Variants in DARS1 observed in about 807,000 individuals in gnomAD.
The protein encoded by DARS1 is aspartate--tRNA ligase, cytoplasmic.
Under a neutral mutation model 68.8 loss-of-function variants are expected in DARS1, and 51 were observed. The ratio of observed to expected loss-of-function variants is 0.74; its 90% CI spans 0.59 to 0.94. The LOEUF is 0.94. DARS1 is among the 40% of genes least tolerant of loss of function. The pLI is 0.00. For synonymous variants in DARS1, 203 were observed against 190.4 expected, an observed-to-expected ratio of 1.07 and a Z score of -0.55; for missense variants, 607 against 597.3, an observed-to-expected ratio of 1.02 and a Z score of -0.17.
At chr2:135,938,336 C>A (rs1681516534) in intron 5 of DARS1, among the ~76,000 whole-genome samples, 1 of 152,300 alleles carries the variant, frequency 6.6e-6, no homozygotes, top group African/African-American at 2.4e-5. Flanking sequence ...TTTTCAGCTC[C>A]ATCAGGTCAT....
intron 3 of DARS1, among the ~76,000 whole-genome samples, chr2:135,976,486 T>G (rs192922570): frequency 9.1e-4 from 139 of 152,278 alleles, no homozygotes; most frequent in Non-Finnish European, 1.7e-3. Context: ...CACTCATAAA[T>G]TCTCCCTATC....
intron 5 of DARS1, among the ~76,000 whole-genome samples, chr2:135,938,054 A>G (rs908832687): frequency 6.6e-6 from 1 of 152,118 alleles, no homozygotes; most frequent in Non-Finnish European, 1.5e-5. Context: ...GGTTGGGGAA[A>G]TTCTCCTGGA....
intron 7 of DARS1, 110 bp from the exon 8 acceptor site, chr2:135,924,608 A>C (rs117587018): frequency 7.0e-7 from 1 of 1,430,304 alleles, no homozygotes; most frequent in Non-Finnish European, 9.2e-7. Flanking sequence ...CAACATTTTT[A>C]AATTCTAATA....
intron 3 of DARS1, among the ~76,000 whole-genome samples, chr2:135,974,201 G>A (rs1332538911): frequency 6.6e-6 from 1 of 152,164 alleles, no homozygotes; most frequent in Non-Finnish European, 1.5e-5. Context: ...ACTTTAATTG[G>A]GAATGTGTGT....
intron 6 of DARS1, 119 bp downstream of exon 6, chr2:135,933,791 G>GAGAATTGCTGAT: frequency 3.0e-6 from 4 of 1,335,918 alleles, no homozygotes; most frequent in Non-Finnish European, 3.9e-6. Flanking sequence ...TTAAGAGTAA[G>GAGAATTGCTGAT]TTTAAATAAC....
chr2:135,925,996 T>TTC (rs1330031748), intron 7 of DARS1, among the ~76,000 whole-genome samples: 3 of 152,220 alleles, frequency 2.0e-5, no homozygotes, highest in Non-Finnish European at 4.4e-5. Flanking sequence ...GTTCAAGTGA[T>TTC]TCTCCTGCCT....
At chr2:135,914,601 G>A (rs997945808) in intron 11 of DARS1, 90 bp from the exon 12 acceptor site, 19 of 864,538 alleles carry the variant, frequency 2.2e-5, no homozygotes, top group Non-Finnish European at 4.0e-6. Flanking sequence ...GTTTCTCAAG[G>A]GATTACAAAA....
chr2:135,933,993 G>T lies in DARS1; in HGVS notation c.424-3C>A. The stretch of plus-strand genomic sequence containing the variant: ...TCAGCCAAACTGATCACATAAATCT[G>T]TAAGTGAGAGATTACCAAAAATAGT... On this transcript the variant is annotated splice_polypyrimidine_tract_variant and splice_region_variant and intron_variant, in intron 5 of 15. Coordinates refer to ENST00000264161, the MANE Select transcript of DARS1 (RefSeq NM_001349.4). 6.2e-7 allele frequency: 1 copy of T among 1,610,026 alleles called. No homozygotes were observed. The highest frequency in any genetic ancestry group is 8.5e-7 in the Non-Finnish European group (1 of 1,177,266).
intron 4 of DARS1, among the ~76,000 whole-genome samples, chr2:135,944,505 T>C (rs956058460): frequency 1.3e-5 from 2 of 152,080 alleles, no homozygotes; most frequent in African/African-American, 4.8e-5. Context: ...GAAGAGTAGT[T>C]AAGAAAGAAA....
intron 5 of DARS1, among the ~76,000 whole-genome samples, chr2:135,936,325 CAATAAG>C (rs1487591801): frequency 6.6e-6 from 1 of 152,022 alleles, no homozygotes; most frequent in Non-Finnish European, 1.5e-5. Flanking sequence ...CACATCTAGA[CAATAAG>C]AATATCTTAA....
intron 4 of DARS1, among the ~76,000 whole-genome samples, chr2:135,959,265 A>G (rs531636262): frequency 1.3e-5 from 2 of 151,812 alleles, no homozygotes; most frequent in East Asian, 1.9e-4. Flanking sequence ...GTGGTGGCAT[A>G]TGCCTGTAAT....
In DARS1 at chr2:135,906,193, TC is replaced by T. The variant is rs1187210269; in HGVS notation, c.*1122del. ...AGATGTTCGTGGTCCAGGGGTAACT[TC>T]CTAACTTTTTGACCCTCATATTTTT... On this transcript the variant is annotated 3_prime_UTR_variant, in exon 16 of 16. Transcript: ENST00000264161. Among the ~76,000 whole-genome samples the T allele has an allele frequency of 1.3e-5, 2 of 152,204 alleles. No individual in the cohort carries two copies. The highest frequency in any genetic ancestry group is 2.4e-5 in the African/African-American group (1 of 41,450).
intron 7 of DARS1, among the ~76,000 whole-genome samples, chr2:135,932,126 T>C (rs1021917769): frequency 1.3e-5 from 2 of 152,172 alleles, no homozygotes; most frequent in Admixed American, 6.6e-5. Flanking sequence ...ACTCACATGA[T>C]GGTAGAATAG....
intron 4 of DARS1, among the ~76,000 whole-genome samples, chr2:135,946,747 C>T (rs570422556): frequency 6.6e-5 from 10 of 152,060 alleles, no homozygotes; most frequent in Non-Finnish European, 1.0e-4. Flanking sequence ...TAAATGGAGA[C>T]ATAAATCGGG....
In DARS1 at chr2:135,935,159, G is replaced by A. The variant is rs1482597705; in HGVS notation, c.424-1169C>T. Among the ~76,000 whole-genome samples, 3 of 152,120 alleles carry A rather than the reference G, an allele frequency of 2.0e-5. No homozygotes were observed. In the East Asian group the frequency reaches 5.8e-4, roughly 29 times the overall value. On this transcript the variant is annotated intron_variant, in intron 5 of 15. Transcript: ENST00000264161. ...CACCACTAGGACCAAATTCAGTCCAGCTCTGCTGCACTTCTTTTCTCATTC... is the reference window on the plus strand; with the variant it reads ...CACCACTAGGACCAAATTCAGTCCAACTCTGCTGCACTTCTTTTCTCATTC...
chr2:135,948,220 T>C (rs1028060271), intron 4 of DARS1, among the ~76,000 whole-genome samples: 15 of 152,306 alleles, frequency 9.8e-5, no homozygotes, highest in Admixed American at 7.8e-4. Flanking sequence ...AAAATGTAGG[T>C]GCAACTGTTC....
intron 2 of DARS1, 110 bp from the exon 3 acceptor site, chr2:135,979,476 T>C: frequency 3.1e-6 from 2 of 643,760 alleles, no homozygotes; most frequent in Non-Finnish European, 5.5e-6. Context: ...GGAACCATCC[T>C]GAATAATTCT....
At chr2:135,978,732 G>C (rs1204559357) in intron 3 of DARS1, among the ~76,000 whole-genome samples, 1 of 152,148 alleles carries the variant, frequency 6.6e-6, no homozygotes, top group Non-Finnish European at 1.5e-5. Context: ...GTCCAAAATG[G>C]GAGCCGTTAG....
At chr2:135,970,220 T>G (rs1575406057) in intron 3 of DARS1, among the ~76,000 whole-genome samples, 1 of 133,862 alleles carries the variant, frequency 7.5e-6, no homozygotes, top group East Asian at 2.2e-4. Context: ...ACCACTGTAC[T>G]CTAGCCTGGG....
Sources: gnomAD v4.1 joint callset for allele counts (sites outside exome capture counted in the v4.1 genomes callset) on GRCh38, gnomAD v4.1.1 for gene constraint, MANE v1.5 for transcripts, NCBI Gene and HGNC (gene_info 2026-07-23, HGNC 2026-07-21) for gene names.